Variants in NTN1 observed in about 807,000 individuals in gnomAD.
NTN1 encodes netrin-1.
NTN1 carries 11 observed loss-of-function variants against 54.2 expected under a neutral mutation model. That is an observed-to-expected ratio of 0.20 (90% CI 0.13 to 0.34). The LOEUF is 0.34. Among genes scored for constraint, NTN1 ranks in the 10% least tolerant of loss-of-function variants. NTN1 has a pLI of 1.00. For missense variants in NTN1, 740 were observed against 893.1 expected (o/e 0.83, Z 2.18); for synonymous variants, 371 against 382.0 (o/e 0.97, Z 0.33).
At chr17:9,183,297 TG>T (rs1222631087) in intron 5 of NTN1, 1 of 576,876 alleles carries the variant, frequency 1.7e-6, no homozygotes, top group Admixed American at 2.2e-5. Context: ...CACTCCTTCC[TG>T]GGGCTGCAGA....
chr17:9,011,886 C>T, the NTN1 span, among the ~76,000 whole-genome samples: 1 of 152,142 alleles, frequency 6.6e-6, no homozygotes, highest in African/African-American at 2.4e-5. Context: ...CTGCGCCTGG[C>T]CCTGGGGGGC....
chr17:9,061,343 AG>A (rs1203914725), intron 2 of NTN1, among the ~76,000 whole-genome samples: 1 of 152,132 alleles, frequency 6.6e-6, no homozygotes, highest in Non-Finnish European at 1.5e-5. Flanking sequence ...CCAAAGGGTA[AG>A]GGGGGGTCTG....
chr17:9,241,200 A>C lies in NTN1; in HGVS notation c.*1232A>C, dbSNP rs1157358330. 7 of 152,512 alleles carry C rather than the reference A, an allele frequency of 4.6e-5. No homozygotes were observed. In the East Asian group the frequency reaches 1.3e-3, roughly 29 times the overall value. 9.4% of individuals were successfully genotyped at this position (152,512 alleles called of 1,614,324 possible). ...GGAATGACCAGGTTCCTGGGGGCCAAGGAGGCCATGCTGGCTTCTCCAAGG... is the reference window on the plus strand; with the variant it reads ...GGAATGACCAGGTTCCTGGGGGCCACGGAGGCCATGCTGGCTTCTCCAAGG... On this transcript the variant is annotated 3_prime_UTR_variant, in exon 7 of 7. Transcript: ENST00000173229.
At chr17:9,113,148 C>T (rs983420604) in intron 2 of NTN1, among the ~76,000 whole-genome samples, 5 of 151,466 alleles carry the variant, frequency 3.3e-5, no homozygotes, top group Admixed American at 6.6e-5. Context: ...CTCAGCCTCC[C>T]GAGTAGCTGG....
chr17:9,108,531 T>TA (rs755324391), intron 2 of NTN1, among the ~76,000 whole-genome samples: 1 of 152,228 alleles, frequency 6.6e-6, no homozygotes, highest in Non-Finnish European at 1.5e-5. Context: ...TCCTGAAAGA[T>TA]AGAGTGTTCA....
At chr17:9,009,306 C>A in the NTN1 span, among the ~76,000 whole-genome samples, 5 of 152,152 alleles carry the variant, frequency 3.3e-5, no homozygotes, top group African/African-American at 9.7e-5. Context: ...ACCTGGAAAC[C>A]AGCGCTCTCT....
chr17:9,205,443 C>A lies in NTN1; in HGVS notation c.1412-15725C>A, dbSNP rs117185878. Among the ~76,000 whole-genome samples, 1,254 of 152,360 alleles carry A rather than the reference C, an allele frequency of 8.2e-3. 14 individuals are homozygous for A. The highest frequency in any genetic ancestry group is 0.02 in the Admixed American group (303 of 15,312). The stretch of plus-strand genomic sequence containing the variant: ...GAGACTTCGAGACCAGCCTGGGCAA[C>A]ATAGTGAGACCTCATCTCTACAAAA... On this transcript the variant is annotated intron_variant, in intron 5 of 6. Coordinates refer to ENST00000173229, the MANE Select transcript of NTN1 (RefSeq NM_004822.3).
At chr17:9,110,075 G>A (rs1488416263) in intron 2 of NTN1, among the ~76,000 whole-genome samples, 1 of 152,118 alleles carries the variant, frequency 6.6e-6, no homozygotes, top group Admixed American at 6.6e-5. Context: ...TTCCCCTGCT[G>A]TCCTTTTGTA....
chr17:9,223,309 T>C (rs988854015), intron 6 of NTN1, among the ~76,000 whole-genome samples: 2 of 152,158 alleles, frequency 1.3e-5, no homozygotes, highest in African/African-American at 4.8e-5. Context: ...CCCAGCACTT[T>C]GGGAGGCCAA....
intron 2 of NTN1, among the ~76,000 whole-genome samples, chr17:9,084,950 C>G (rs2092085626): frequency 6.6e-6 from 1 of 152,114 alleles, no homozygotes; most frequent in African/African-American, 2.4e-5. Flanking sequence ...GTGCCTGACC[C>G]CGTTCTTTGC....
At chr17:9,081,912 G>A (rs952969560) in intron 2 of NTN1, among the ~76,000 whole-genome samples, 1 of 152,168 alleles carries the variant, frequency 6.6e-6, no homozygotes, top group Non-Finnish European at 1.5e-5. Flanking sequence ...TTGCTGCAGG[G>A]CCAAGACGTT....
chr17:9,202,569 A>C (rs138443844), intron 5 of NTN1, among the ~76,000 whole-genome samples: 5 of 152,166 alleles, frequency 3.3e-5, no homozygotes, highest in Non-Finnish European at 2.9e-5. Context: ...GGGGGACTTC[A>C]GTATCTACCA....
intron 5 of NTN1, among the ~76,000 whole-genome samples, chr17:9,189,264 A>G (rs1011793826): frequency 6.6e-6 from 1 of 152,216 alleles, no homozygotes; most frequent in African/African-American, 2.4e-5. Context: ...AGCCCTAGCA[A>G]GCAGCATCAC....
intron 2 of NTN1, among the ~76,000 whole-genome samples, chr17:9,036,263 A>G (rs2091903141): frequency 6.6e-6 from 1 of 152,122 alleles, no homozygotes; most frequent in African/African-American, 2.4e-5. Flanking sequence ...ACTGAGGCAC[A>G]TGGAGGTTAG....
intron 5 of NTN1, among the ~76,000 whole-genome samples, chr17:9,186,687 T>C (rs1027989544): frequency 6.6e-6 from 1 of 152,044 alleles, no homozygotes; most frequent in Non-Finnish European, 1.5e-5. Context: ...AGCTCCACAC[T>C]CAGGTGCTAC....
At chr17:9,125,012 G>A (rs565084905) in intron 2 of NTN1, among the ~76,000 whole-genome samples, 295 of 152,300 alleles carry the variant, frequency 1.9e-3, no homozygotes, top group Non-Finnish European at 3.2e-3. Flanking sequence ...GTGTATGTGT[G>A]TTTCTTTTGT....
At chr17:9,067,032 G>A (rs1348963293) in intron 2 of NTN1, among the ~76,000 whole-genome samples, 1 of 148,052 alleles carries the variant, frequency 6.8e-6, no homozygotes, top group Non-Finnish European at 1.5e-5. Flanking sequence ...TTGAGCCGGA[G>A]TCGGCACTTT....
At chr17:9,014,129 G>A in the NTN1 span, among the ~76,000 whole-genome samples, 1 of 152,150 alleles carries the variant, frequency 6.6e-6, no homozygotes, top group Non-Finnish European at 1.5e-5. Flanking sequence ...TTGGGGAAAT[G>A]GATATCTCCA....
intron 5 of NTN1, among the ~76,000 whole-genome samples, chr17:9,213,283 C>A (rs1055181724): frequency 1.1e-4 from 16 of 152,236 alleles, no homozygotes; most frequent in Non-Finnish European, 5.9e-5. Flanking sequence ...GCCCTGGCAG[C>A]TTCTGTCTCT....
Sources: allele counts gnomAD v4.1 joint callset (sites outside exome capture counted in the v4.1 genomes callset), GRCh38; gene constraint gnomAD v4.1.1; transcripts MANE v1.5; gene names NCBI Gene and HGNC (gene_info 2026-07-23, HGNC 2026-07-21).